ARHGAP26: variants seen among roughly 807,000 people sequenced by gnomAD.
ARHGAP26 encodes the protein Rho GTPase activating protein 26.
ARHGAP26 carries 38 observed loss-of-function variants against 104.8 expected under a neutral mutation model. That is an observed-to-expected ratio of 0.36 (90% CI 0.28 to 0.48). ARHGAP26 has a LOEUF of 0.48. ARHGAP26 is among the 20% of genes least tolerant of loss of function. The pLI is 0.99. For missense variants in ARHGAP26, 704 were observed against 947.9 expected, an observed-to-expected ratio of 0.74 and a Z score of 3.38; for synonymous variants, 341 against 340.0, an observed-to-expected ratio of 1.00 and a Z score of -0.03.
At chr5:143,094,450 C>G (rs941693431) in intron 17 of ARHGAP26, among the ~76,000 whole-genome samples, 1 of 152,178 alleles carries the variant, frequency 6.6e-6, no homozygotes, top group Non-Finnish European at 1.5e-5. Context: ...CACCTCCTCA[C>G]GAAAGAGAAC....
intron 17 of ARHGAP26, among the ~76,000 whole-genome samples, chr5:143,107,332 T>C (rs1794165500): frequency 6.6e-6 from 1 of 152,160 alleles, no homozygotes; most frequent in Non-Finnish European, 1.5e-5. Context: ...CTGGTATTCA[T>C]TAAGTGGTTT....
chr5:143,131,816 A>G (rs1459291744), intron 18 of ARHGAP26, among the ~76,000 whole-genome samples: 1 of 152,194 alleles, frequency 6.6e-6, no homozygotes, highest in Non-Finnish European at 1.5e-5. Flanking sequence ...CATAGTAGCC[A>G]TTTTTAAATG....
In ARHGAP26 at chr5:142,859,308, A is replaced by G. The variant is rs376804530; in HGVS notation, c.155-14092A>G. On this transcript the variant is annotated intron_variant, in intron 1 of 22. Transcript: ENST00000645722. ...GGAGAGCTAATTGAGGTTGTAAAGC[A>G]ATCCCAGGGTATTCCCGTGCCCAGG... Among the ~76,000 whole-genome samples the G allele has an allele frequency of 4.6e-5, 7 of 152,256 alleles. No individual in the cohort carries two copies. In the East Asian group the frequency reaches 1.2e-3, roughly 25 times the overall value.
intron 11 of ARHGAP26, among the ~76,000 whole-genome samples, chr5:143,010,405 C>G (rs988243012): frequency 6.6e-6 from 1 of 152,162 alleles, no homozygotes; most frequent in Admixed American, 6.5e-5. Context: ...ATGGTGGTTG[C>G]AAGGATTAGA....
chr5:142,781,222 T>C (rs1310264617), intron 1 of ARHGAP26, among the ~76,000 whole-genome samples: 2 of 152,198 alleles, frequency 1.3e-5, no homozygotes, highest in South Asian at 2.1e-4. Flanking sequence ...TGATCAGTCA[T>C]GTGAAGGGTA....
intron 11 of ARHGAP26, among the ~76,000 whole-genome samples, chr5:142,998,206 T>G (rs1026020290): frequency 9.9e-5 from 15 of 152,198 alleles, no homozygotes; most frequent in African/African-American, 3.4e-4. Flanking sequence ...ATATTTATGA[T>G]TGTATTTGTA....
At chr5:143,069,714 C>T (rs917186124) in intron 17 of ARHGAP26, among the ~76,000 whole-genome samples, 1 of 152,150 alleles carries the variant, frequency 6.6e-6, no homozygotes, top group South Asian at 2.1e-4. Context: ...AGTTTTTTGC[C>T]TTAGAGAATT....
chr5:142,993,393 T>G (rs927035040), intron 11 of ARHGAP26, among the ~76,000 whole-genome samples: 2 of 151,886 alleles, frequency 1.3e-5, no homozygotes, highest in African/African-American at 4.8e-5. Flanking sequence ...ATGGTCTCGA[T>G]CTCCTGACCT....
chr5:143,018,600 T>C (rs1188172326), intron 12 of ARHGAP26, among the ~76,000 whole-genome samples: 1 of 152,222 alleles, frequency 6.6e-6, no homozygotes, highest in Non-Finnish European at 1.5e-5. Context: ...AGCTATCCAT[T>C]CTTCCCTCGA....
intron 17 of ARHGAP26, among the ~76,000 whole-genome samples, chr5:143,105,827 G>A (rs1793934629): frequency 6.6e-6 from 1 of 152,180 alleles, no homozygotes; most frequent in African/African-American, 2.4e-5. Context: ...TAACGTGTAG[G>A]ATTTATTAAC....
At chr5:143,004,732 C>A (rs1208055492) in intron 11 of ARHGAP26, among the ~76,000 whole-genome samples, 1 of 152,170 alleles carries the variant, frequency 6.6e-6, no homozygotes, top group African/African-American at 2.4e-5. Flanking sequence ...GTTTTGAAGC[C>A]TTCTCTTCTC....
At chr5:142,987,457 T>C (rs1041523674) in intron 11 of ARHGAP26, among the ~76,000 whole-genome samples, 1 of 152,212 alleles carries the variant, frequency 6.6e-6, no homozygotes, top group African/African-American at 2.4e-5. Context: ...ACAATTTGAC[T>C]TCCTCTTTTC....
chr5:142,980,194 A>T (rs751679157), intron 11 of ARHGAP26, among the ~76,000 whole-genome samples: 2 of 152,246 alleles, frequency 1.3e-5, no homozygotes, highest in African/African-American at 2.4e-5. Context: ...GCAGTATAAT[A>T]CCTGTGAGAC....
Position 142,859,593 on chromosome 5 carries a change from T to C in ARHGAP26, c.155-13807T>C, listed in dbSNP as rs543689873. On this transcript the variant is annotated intron_variant, in intron 1 of 22. Coordinates refer to ENST00000645722, the MANE Select transcript of ARHGAP26 (RefSeq NM_001135608.3). ...CTTATATGCAGAATCACTAGAATTA[T>C]ACAATCCATATTTCATAGCTCATAT... 2.6e-5 allele frequency: 4 copies of C among 152,372 alleles called. No homozygotes were observed. The South Asian group carries it at 8.3e-4, about 32-fold the overall frequency. 9.4% of individuals were successfully genotyped at this position (152,372 alleles called of 1,614,324 possible).
chr5:143,110,179 C>T (rs1794600822), intron 17 of ARHGAP26, among the ~76,000 whole-genome samples: 1 of 152,228 alleles, frequency 6.6e-6, no homozygotes, highest in Non-Finnish European at 1.5e-5. Context: ...CTCCCCATCC[C>T]TTTCATGCTG....
intron 1 of ARHGAP26, among the ~76,000 whole-genome samples, chr5:142,833,842 G>A (rs903548205): frequency 6.6e-5 from 10 of 152,156 alleles, no homozygotes; most frequent in Admixed American, 2.6e-4. Flanking sequence ...AATTTACCTC[G>A]TCTTTCTGAA....
At chr5:142,979,441 G>A (rs1773604614) in intron 11 of ARHGAP26, among the ~76,000 whole-genome samples, 1 of 152,178 alleles carries the variant, frequency 6.6e-6, no homozygotes, top group South Asian at 2.1e-4. Flanking sequence ...TCCACCTTGG[G>A]AACCCTGTGC....
chr5:143,169,429 T>A (rs1047995980), intron 20 of ARHGAP26: 4 of 152,264 alleles, frequency 2.6e-5, no homozygotes, highest in Non-Finnish European at 5.9e-5. Context: ...TCAGCTTTCC[T>A]CTTTGCTGAC....
intron 12 of ARHGAP26, among the ~76,000 whole-genome samples, chr5:143,034,754 CTGT>C (rs1292849885): frequency 2.0e-5 from 3 of 151,636 alleles, no homozygotes; most frequent in Non-Finnish European, 2.9e-5. Flanking sequence ...ACCAAGAAAG[CTGT>C]TATTTAAAAA....
Sources: allele counts gnomAD v4.1 joint callset (sites outside exome capture counted in the v4.1 genomes callset), GRCh38; gene constraint gnomAD v4.1.1; transcripts MANE v1.5; gene names NCBI Gene and HGNC (gene_info 2026-07-23, HGNC 2026-07-21).